Variants in PTPRD observed in about 807,000 individuals in gnomAD.
PTPRD encodes the protein receptor-type tyrosine-protein phosphatase delta.
In PTPRD, 34 loss-of-function variants were observed where a neutral mutation model predicts 214.5. The ratio of observed to expected loss-of-function variants is 0.16; its 90% CI spans 0.12 to 0.21. PTPRD has a LOEUF of 0.21. PTPRD is among the 10% of genes least tolerant of loss of function. The probability of loss-of-function intolerance (pLI) is 1.00; values close to 1 mark genes in which losing one functional copy is unlikely to be tolerated. For missense variants in PTPRD, 2,545 were observed against 2,398.7 expected (o/e 1.06, Z -1.27); for synonymous variants, 1,128 against 845.7 (o/e 1.33, Z -5.79).
At chr9:10,459,710 G>C (rs944194327) in intron 2 of PTPRD, among the ~76,000 whole-genome samples, 1 of 151,596 alleles carries the variant, frequency 6.6e-6, no homozygotes, top group Non-Finnish European at 1.5e-5. Context: ...CTTCTTTTGA[G>C]AAGTGTCTGT....
intron 5 of PTPRD, among the ~76,000 whole-genome samples, chr9:9,883,570 A>G (rs923946309): frequency 5.3e-5 from 8 of 152,130 alleles, no homozygotes; most frequent in Non-Finnish European, 1.2e-4. Flanking sequence ...ATGAATTTTA[A>G]GAAGAATAGA....
intron 35 of PTPRD, among the ~76,000 whole-genome samples, chr9:8,412,842 G>A (rs1466660298): frequency 1.3e-5 from 2 of 152,102 alleles, no homozygotes; most frequent in Non-Finnish European, 2.9e-5. Context: ...TTTTCCGGCA[G>A]AGACAACAAA....
chr9:9,918,434 C>T (rs935564309), intron 5 of PTPRD, among the ~76,000 whole-genome samples: 2 of 148,966 alleles, frequency 1.3e-5, no homozygotes, highest in African/African-American at 4.9e-5. Flanking sequence ...TAAAAAGACA[C>T]CCCATGCTCA....
chr9:9,939,155 C>T (rs1404044109), intron 4 of PTPRD, among the ~76,000 whole-genome samples: 5 of 152,056 alleles, frequency 3.3e-5, no homozygotes, highest in African/African-American at 1.2e-4. Context: ...TTCTCAAACG[C>T]ACCAGAGTGT....
chr9:10,064,645 G>A (rs1404704072), intron 3 of PTPRD, among the ~76,000 whole-genome samples: 1 of 151,804 alleles, frequency 6.6e-6, no homozygotes, highest in Non-Finnish European at 1.5e-5. Flanking sequence ...CAAAAGGGGA[G>A]ATGTATTTGA....
At chr9:9,525,599 T>G (rs913874967) in intron 8 of PTPRD, among the ~76,000 whole-genome samples, 5 of 152,062 alleles carry the variant, frequency 3.3e-5, no homozygotes, top group Non-Finnish European at 5.9e-5. Flanking sequence ...GAGCTGTGTT[T>G]GTTAAATAAT....
At chr9:9,803,810 G>C (rs768998038) in intron 5 of PTPRD, 1 of 152,038 alleles carries the variant, frequency 6.6e-6, no homozygotes, top group Non-Finnish European at 1.5e-5. Flanking sequence ...CATTTAAAGA[G>C]AAGCTCATAT....
intron 3 of PTPRD, among the ~76,000 whole-genome samples, chr9:10,083,328 C>T (rs1338571253): frequency 6.6e-6 from 1 of 151,960 alleles, no homozygotes; most frequent in Non-Finnish European, 1.5e-5. Flanking sequence ...TCTTATAAGT[C>T]TTAAGCATTC....
intron 11 of PTPRD, among the ~76,000 whole-genome samples, chr9:8,814,449 G>A (rs556401807): frequency 1.6e-4 from 25 of 152,160 alleles, no homozygotes; most frequent in Non-Finnish European, 3.1e-4. Context: ...AGGGGCGGCT[G>A]CAAACCTGAA....
intron 3 of PTPRD, among the ~76,000 whole-genome samples, chr9:10,280,898 A>G (rs894963578): frequency 1.3e-5 from 2 of 152,130 alleles, no homozygotes; most frequent in Non-Finnish European, 2.9e-5. Flanking sequence ...TACAAGTGTG[A>G]GCCACATGCA....
At chr9:8,345,185 G>A (rs1252290893) in intron 39 of PTPRD, among the ~76,000 whole-genome samples, 3 of 151,980 alleles carry the variant, frequency 2.0e-5, no homozygotes, top group African/African-American at 7.2e-5. Flanking sequence ...GAGATGGCAG[G>A]CAAGGGCCTT....
chr9:10,359,149 C>G (rs1170691208), intron 2 of PTPRD, among the ~76,000 whole-genome samples: 1 of 151,842 alleles, frequency 6.6e-6, no homozygotes, highest in South Asian at 2.1e-4. Flanking sequence ...ATCATGAGAT[C>G]TATTGTTAAC....
chr9:10,473,973 C>T (rs528436003), intron 2 of PTPRD, among the ~76,000 whole-genome samples: 2 of 152,054 alleles, frequency 1.3e-5, no homozygotes, highest in Non-Finnish European at 1.5e-5. Flanking sequence ...TTTACAAGAG[C>T]TCCTGAAGGA....
rs1397161550 is a variant in PTPRD, at chr9:10,449,271, C to T, written c.-599-108254G>A. Among the ~76,000 whole-genome samples, 6 of 151,888 alleles carry T rather than the reference C, an allele frequency of 4.0e-5. No individual in the cohort carries two copies. The East Asian group carries it at 9.7e-4, about 24-fold the overall frequency. On this transcript the variant is annotated intron_variant, in intron 2 of 45. Transcript: ENST00000381196. ...GGCCGGGCTGGTCTCCAGCTCCTGA[C>T]GGCGAGTGATCTGCCCACCTGGGCC... is the stretch of plus-strand genomic sequence containing the variant.
At position 9,351,307 on chromosome 9, in the gene PTPRD, T is replaced by C. The variant is rs141937148; in HGVS notation, c.-203+46142A>G. 5.1e-4 allele frequency among the ~76,000 whole-genome samples: 78 copies of C among 152,140 alleles called. 1 individual carries two copies. Among genetic ancestry groups the C allele is most frequent in the South Asian group, 3.7e-3 (18 of 4,826 alleles). On this transcript the variant is annotated intron_variant, in intron 9 of 45. Coordinates refer to ENST00000381196, the MANE Select transcript of PTPRD (RefSeq NM_002839.4). ...AAAGGTAATCAGAACACAGAATAAC[T>C]GGCACCTGAATTCCTGGGTATGGCC...
chr9:10,147,088 C>T (rs2099028241), intron 3 of PTPRD, among the ~76,000 whole-genome samples: 4 of 152,178 alleles, frequency 2.6e-5, no homozygotes, highest in Admixed American at 2.6e-4. Flanking sequence ...GCAAACTAAA[C>T]CAGTTACTTA....
chr9:10,211,932 G>A (rs529953490), intron 3 of PTPRD, among the ~76,000 whole-genome samples: 1 of 152,112 alleles, frequency 6.6e-6, no homozygotes, highest in Non-Finnish European at 1.5e-5. Context: ...AACTGCACTT[G>A]TACTCCTTAA....
chr9:8,414,497 G>C (rs1327739166), intron 35 of PTPRD, among the ~76,000 whole-genome samples: 1 of 151,880 alleles, frequency 6.6e-6, no homozygotes, highest in African/African-American at 2.4e-5. Flanking sequence ...CATTTTTTTG[G>C]TTTGTTTGAA....
intron 5 of PTPRD, among the ~76,000 whole-genome samples, chr9:9,783,978 GA>G (rs765552675): frequency 6.6e-6 from 1 of 151,786 alleles, no homozygotes; most frequent in Admixed American, 6.6e-5. Context: ...AAATAGTGGG[GA>G]AAAAATTCTT....
Sources: gnomAD v4.1 joint callset for allele counts (sites outside exome capture counted in the v4.1 genomes callset) on GRCh38, gnomAD v4.1.1 for gene constraint, MANE v1.5 for transcripts, NCBI Gene and HGNC (gene_info 2026-07-23, HGNC 2026-07-21) for gene names.